Variants in PLA2G12A observed in about 807,000 individuals in gnomAD.
PLA2G12A encodes group XIIA secretory phospholipase A2.
In PLA2G12A, 11 loss-of-function variants were observed where a neutral mutation model predicts 16.0. The observed-to-expected ratio is 0.69, with a 90% CI of 0.43 to 1.13. PLA2G12A has a LOEUF of 1.13. PLA2G12A is among the 50% of genes most tolerant of loss of function. The pLI, the probability that PLA2G12A is intolerant of heterozygous loss-of-function variation, is 0.00. For missense variants in PLA2G12A, 214 were observed against 237.3 expected, an observed-to-expected ratio of 0.90 and a Z score of 0.65; for synonymous variants, 77 against 93.8, an observed-to-expected ratio of 0.82 and a Z score of 1.03.
chr4:109,719,485 T>A (rs954342174), intron 1 of PLA2G12A, among the ~76,000 whole-genome samples: 1 of 152,192 alleles, frequency 6.6e-6, no homozygotes, highest in Non-Finnish European at 1.5e-5. Flanking sequence ...GGAAGGCTAA[T>A]GTTCCCCAGT....
intron 2 of PLA2G12A, among the ~76,000 whole-genome samples, 198 bp from the exon 3 acceptor site, chr4:109,717,911 C>T (rs1730856496): frequency 6.6e-6 from 1 of 152,204 alleles, no homozygotes; most frequent in Non-Finnish European, 1.5e-5. Flanking sequence ...GTTACTCTCT[C>T]AGCTATGCCT....
rs544617320 is a variant in PLA2G12A, at chr4:109,729,905, G to C, written c.-96C>G. 32 of 1,102,580 alleles carry C rather than the reference G, an allele frequency of 2.9e-5. No homozygotes were observed. Among genetic ancestry groups the C allele is most frequent in the Non-Finnish European group, 3.7e-5 (30 of 803,208 alleles). 68.3% of individuals were successfully genotyped at this position (1,102,580 alleles called of 1,614,324 possible). A position where few individuals can be genotyped will look rare whatever the true frequency, so the allele number is the denominator to read the frequency against. On this transcript the variant is annotated 5_prime_UTR_variant, in exon 1 of 4. Coordinates refer to ENST00000243501, the MANE Select transcript of PLA2G12A (RefSeq NM_030821.5). ...GCGCTAGGCAGCGGCGCGGGCCCCG[G>C]ACTTGGCAGCAGCCAGCTCCATATC...
rs1723017707 is a variant in PLA2G12A at position 109,729,868 on chromosome 4, A to T, written c.-59T>A. ...CGCGGCGCGGGGCGCGTCCCCACAG[A>T]GTCCCCAGGACGCGCTAGGCAGCGG... On this transcript the variant is annotated 5_prime_UTR_variant, in exon 1 of 4. Coordinates refer to ENST00000243501, the MANE Select transcript of PLA2G12A (RefSeq NM_030821.5). The T allele has an allele frequency of 2.7e-6, 4 of 1,460,568 alleles. No individual in the cohort carries two copies. Among genetic ancestry groups the T allele is most frequent in the Non-Finnish European group, 2.8e-6 (3 of 1,090,362 alleles). The allele number at this position is 1,460,568 out of a possible 1,614,324, so 90.5% of individuals were successfully genotyped here.
At chr4:109,714,722 T>C (rs1313384417) in intron 3 of PLA2G12A, among the ~76,000 whole-genome samples, 1 of 151,520 alleles carries the variant, frequency 6.6e-6, no homozygotes, top group African/African-American at 2.4e-5. Flanking sequence ...CATTCAACTG[T>C]TTAACCCAAT....
chr4:109,713,127 T>C lies in PLA2G12A; in HGVS notation c.*1250A>G, dbSNP rs1263655852. 2 of 152,254 alleles carry C rather than the reference T, an allele frequency of 1.3e-5. No homozygotes were observed. The highest frequency in any genetic ancestry group is 1.3e-4 in the Admixed American group (2 of 15,276). The allele number at this position is 152,254 out of a possible 1,614,324, so 9.4% of individuals were successfully genotyped here. ...CTCTGACTTTGAAAGTCAGTTCATC[T>C]TAATAACTTTGGCCATGGGTCACCC... On this transcript the variant is annotated 3_prime_UTR_variant, in exon 4 of 4. Transcript: ENST00000243501.
chr4:109,719,355 C>A (rs1285102673), intron 1 of PLA2G12A, among the ~76,000 whole-genome samples: 1 of 152,086 alleles, frequency 6.6e-6, no homozygotes, highest in Non-Finnish European at 1.5e-5. Flanking sequence ...ACCGAGTCAA[C>A]CATTCCACAA....
At position 109,712,591 on chromosome 4, in the gene PLA2G12A, G is replaced by C. The variant is rs1278629508; in HGVS notation, c.*1786C>G. 1 of 151,996 alleles carries C rather than the reference G, an allele frequency of 6.6e-6. No individual in the cohort carries two copies. The highest frequency in any genetic ancestry group is 1.5e-5 in the Non-Finnish European group (1 of 68,012). The allele number at this position is 151,996 out of a possible 1,614,324, so 9.4% of individuals were successfully genotyped here. A position where few individuals can be genotyped will look rare whatever the true frequency, so the allele number is the denominator to read the frequency against. Reference sequence around the variant, plus strand: ...AGCTCACTGCAACCTCCACCTCCTGGGTTCAAGTGATTCTCGTACCTCAGC... The same window carrying C: ...AGCTCACTGCAACCTCCACCTCCTGCGTTCAAGTGATTCTCGTACCTCAGC... On this transcript the variant is annotated 3_prime_UTR_variant, in exon 4 of 4. Transcript: ENST00000243501.
chr4:109,725,012 C>T (rs1324714240), intron 1 of PLA2G12A, among the ~76,000 whole-genome samples: 7 of 152,078 alleles, frequency 4.6e-5, no homozygotes, highest in African/African-American at 1.7e-4. Context: ...GAGAGGCTTT[C>T]CCTGCTTACC....
At chr4:109,719,122 C>A (rs777337575) in intron 1 of PLA2G12A, among the ~76,000 whole-genome samples, 4 of 152,172 alleles carry the variant, frequency 2.6e-5, no homozygotes, top group Non-Finnish European at 5.9e-5. Context: ...GATAAATCCA[C>A]CCTGTTTTCC....
At chr4:109,716,052 A>G (rs1730823486) in intron 3 of PLA2G12A, among the ~76,000 whole-genome samples, 1 of 152,234 alleles carries the variant, frequency 6.6e-6, no homozygotes, top group South Asian at 2.1e-4. Flanking sequence ...GGCTATGACT[A>G]TTAAATAGGA....
At chr4:109,725,566 T>C (rs958977417) in intron 1 of PLA2G12A, among the ~76,000 whole-genome samples, 2 of 152,230 alleles carry the variant, frequency 1.3e-5, no homozygotes, top group African/African-American at 4.8e-5. Flanking sequence ...TGTAAGCGGA[T>C]ACAAACCAAA....
chr4:109,715,409 G>A (rs966713298), intron 3 of PLA2G12A, among the ~76,000 whole-genome samples: 1 of 151,884 alleles, frequency 6.6e-6, no homozygotes, highest in Non-Finnish European at 1.5e-5. Context: ...TGGGGATATG[G>A]GAGCATATAA....
At chr4:109,724,648 G>A (rs1722894492) in intron 1 of PLA2G12A, among the ~76,000 whole-genome samples, 1 of 152,136 alleles carries the variant, frequency 6.6e-6, no homozygotes, top group African/African-American at 2.4e-5. Flanking sequence ...CTTTGAATGG[G>A]AGAATGATCA....
chr4:109,717,063 A>G (rs1358290649), intron 3 of PLA2G12A, among the ~76,000 whole-genome samples: 1 of 152,228 alleles, frequency 6.6e-6, no homozygotes, highest in Non-Finnish European at 1.5e-5. Context: ...CACAGTTAGA[A>G]GGCATCTGCT....
At chr4:109,727,179 C>T (rs1263646282) in intron 1 of PLA2G12A, among the ~76,000 whole-genome samples, 3 of 151,850 alleles carry the variant, frequency 2.0e-5, no homozygotes, top group Non-Finnish European at 4.4e-5. Context: ...GGCACGGTCT[C>T]GGCTCACTGC....
rs1006235553 is a variant in PLA2G12A at position 109,729,899 on chromosome 4, G to A, written c.-90C>T. On this transcript the variant is annotated 5_prime_UTR_variant, in exon 1 of 4. Transcript: ENST00000243501. ...CAGGACGCGCTAGGCAGCGGCGCGG[G>A]CCCCGGACTTGGCAGCAGCCAGCTC... is the stretch of plus-strand genomic sequence containing the variant. 1 of 1,187,902 alleles carries A rather than the reference G, an allele frequency of 8.4e-7. No homozygotes were observed. The highest frequency in any genetic ancestry group is 1.1e-6 in the Non-Finnish European group (1 of 879,434). 73.6% of individuals were successfully genotyped at this position (1,187,902 alleles called of 1,614,324 possible).
At chr4:109,729,043 G>A (rs1722991402) in intron 1 of PLA2G12A, among the ~76,000 whole-genome samples, 1 of 152,054 alleles carries the variant, frequency 6.6e-6, no homozygotes, top group Non-Finnish European at 1.5e-5. Flanking sequence ...GAGGAGGCGG[G>A]TCACTGATAT....
In PLA2G12A at chr4:109,729,690, G is replaced by C. The variant is rs1448641492; in HGVS notation, c.120C>G (p.Asn40Lys). 3.1e-6 allele frequency: 5 copies of C among 1,611,042 alleles called. No homozygotes were observed. The highest frequency in any genetic ancestry group is 4.2e-6 in the Non-Finnish European group (5 of 1,179,522). Residue 40 changes from asparagine to lysine, a missense_variant, in exon 1 of 4, where the codon AAC (asparagine) becomes AAG (lysine). Coordinates refer to ENST00000243501, the MANE Select transcript of PLA2G12A (RefSeq NM_030821.5). ...GGTACGTGTCTATCTTATGAACGCC[G>C]TTCCGGATGGTCTTCAGGGTGGCTC... ...DWRATLKTIR[N>K]GVHKIDTYLN...
intron 2 of PLA2G12A, 50 bp downstream of exon 2, chr4:109,718,633 T>A: frequency 7.4e-7 from 1 of 1,353,936 alleles, no homozygotes; most frequent in South Asian, 1.3e-5. Flanking sequence ...ACCAAAAGTA[T>A]TACATGATTT....
Sources: gnomAD v4.1 joint callset for allele counts (sites outside exome capture counted in the v4.1 genomes callset) on GRCh38, gnomAD v4.1.1 for gene constraint, MANE v1.5 for transcripts, NCBI Gene and HGNC (gene_info 2026-07-23, HGNC 2026-07-21) for gene names.